The following ZNF676 variants were observed in gnomAD, a reference collection of about 807,000 sequenced individuals.
ZNF676 encodes the protein zinc finger protein 676.
ZNF676 carries 4 observed loss-of-function variants against 6.0 expected under a neutral mutation model. That is an observed-to-expected ratio of 0.67 (90% CI 0.33 to 1.53). The LOEUF (loss-of-function observed/expected upper bound fraction) is 1.53, where lower values mean the gene tolerates loss of function less well. ZNF676 is among the 40% of genes most tolerant of loss of function. The pLI is 0.06. For missense variants in ZNF676, 644 were observed against 679.7 expected (o/e 0.95, Z 0.58); for synonymous variants, 198 against 223.1 (o/e 0.89, Z 1.00).
chr19:22,203,471 A>C (rs1372842810), intron 1 of ZNF676: 2 of 152,224 alleles, frequency 1.3e-5, no homozygotes, highest in Non-Finnish European at 2.9e-5. Flanking sequence ...ATTAGATATA[A>C]GATTGATCAA....
chr19:22,237,012 G>C, the ZNF676 span, among the ~76,000 whole-genome samples: 2 of 152,204 alleles, frequency 1.3e-5, no homozygotes, highest in Non-Finnish European at 2.9e-5. Flanking sequence ...CTGACATGCA[G>C]AGAAAAGTAA....
upstream of ZNF676, among the ~76,000 whole-genome samples, chr19:22,200,100 G>C (rs1047063752): frequency 3.3e-5 from 5 of 151,940 alleles, no homozygotes; most frequent in African/African-American, 1.2e-4. Flanking sequence ...GTTCTCTATG[G>C]CACTGGGGGG....
chr19:22,180,743 GT>G lies in ZNF676; in HGVS notation c.973del (p.Thr325LeufsTer173). The stretch of plus-strand genomic sequence containing the variant: ...TCCAGCATGAATTCTCTTGTGTTCA[GT>G]AAGGCTTGAGGACCAGCTGAAGGCT... ...GKAFSWSSSLTEHKRIHAGEK... is the reference protein window; with the variant it reads ...GKAFSWSSSLXEHKRIHAGEK... On this transcript the variant is annotated frameshift_variant, in exon 3 of 3. Coordinates refer to ENST00000397121, the MANE Select transcript of ZNF676 (RefSeq NM_001001411.3). LOFTEE classifies it low-confidence loss of function (END_TRUNC). 1 of 1,612,638 alleles carries G rather than the reference GT, an allele frequency of 6.2e-7. No homozygotes were observed.
the ZNF676 span, among the ~76,000 whole-genome samples, chr19:22,246,506 A>G: frequency 6.6e-6 from 1 of 152,274 alleles, no homozygotes; most frequent in Middle Eastern, 3.4e-3. Context: ...CCTTGCAGGT[A>G]GAGCTGGGGA....
At chr19:22,198,534 TTC>T (rs1398619193), upstream of ZNF676, among the ~76,000 whole-genome samples, 1 of 152,124 alleles carries the variant, frequency 6.6e-6, no homozygotes, top group African/African-American at 2.4e-5. Context: ...GGCCATTTTT[TTC>T]TCTTTCTCCT....
the ZNF676 span, among the ~76,000 whole-genome samples, chr19:22,251,349 A>G: frequency 6.6e-6 from 1 of 152,220 alleles, no homozygotes; most frequent in South Asian, 2.1e-4. Flanking sequence ...TTCAAGAACT[A>G]TGGTACACCT....
In ZNF676 at chr19:22,179,864, C is replaced by G. The variant is rs1329845844; in HGVS notation, c.*86G>C. 7.6e-7 allele frequency: 1 copy of G among 1,322,518 alleles called. No homozygotes were observed. The highest frequency in any genetic ancestry group is 1.1e-6 in the Non-Finnish European group (1 of 944,484). The allele number at this position is 1,322,518 out of a possible 1,614,324, so 81.9% of individuals were successfully genotyped here. On this transcript the variant is annotated 3_prime_UTR_variant, in exon 3 of 3. Coordinates refer to ENST00000397121, the MANE Select transcript of ZNF676 (RefSeq NM_001001411.3). ...TTAAAAGCTTTGCCACATTCTTCAC[C>G]TTTGTAGATTTTCTCTCCAGTATGA...
intron 1 of ZNF676, among the ~76,000 whole-genome samples, chr19:22,196,116 G>A (rs2023964049): frequency 6.6e-6 from 1 of 152,182 alleles, no homozygotes; most frequent in South Asian, 2.1e-4. Flanking sequence ...CAGGAAGGGG[G>A]AAATGTTGGG....
the ZNF676 span, among the ~76,000 whole-genome samples, chr19:22,227,646 C>A: frequency 6.6e-6 from 1 of 151,966 alleles, no homozygotes; most frequent in African/African-American, 2.4e-5. Context: ...AGAGAGGAAT[C>A]AAATAGATGC....
chr19:22,207,953 G>T, intron 1 of ZNF676, among the ~76,000 whole-genome samples: 1 of 137,130 alleles, frequency 7.3e-6, no homozygotes, highest in Non-Finnish European at 1.6e-5. Flanking sequence ...CAAGGTAAAT[G>T]AAAGACTTAA....
the ZNF676 span, chr19:22,243,879 C>T: frequency 1.3e-5 from 2 of 152,208 alleles, no homozygotes; most frequent in African/African-American, 4.8e-5. Flanking sequence ...AGCTCACTAG[C>T]TGGCTTTTGC....
upstream of ZNF676, among the ~76,000 whole-genome samples, chr19:22,201,836 T>C (rs1002007991): frequency 2.0e-5 from 3 of 151,866 alleles, no homozygotes; most frequent in Non-Finnish European, 4.4e-5. Context: ...TAATAATTGA[T>C]TGCATATACA....
chr19:22,193,137 C>T, intron 1 of ZNF676, 26 bp from the exon 2 acceptor site: 1 of 1,568,722 alleles, frequency 6.4e-7, no homozygotes, highest in South Asian at 1.2e-5. Flanking sequence ...TGAACAACAT[C>T]CATCTTGCTC....
In ZNF676 at chr19:22,179,965, A is replaced by C; in HGVS notation, c.1752T>G (p.Thr584=). The change falls in exon 3 of 3, where the codon ACT becomes ACG. Residue 584 remains threonine, a synonymous_variant. Coordinates refer to ENST00000397121, the MANE Select transcript of ZNF676 (RefSeq NM_001001411.3). ...STVSYHKKIH[T]GENP ...CTTCACATTTTTAGGGATTCTCTCC[A>C]GTATGAATTTTCTTATGATAACTAA... is the stretch of plus-strand genomic sequence containing the variant. 6.2e-7 allele frequency: 1 copy of C among 1,613,288 alleles called. No individual in the cohort carries two copies. Among genetic ancestry groups the C allele is most frequent in the Non-Finnish European group, 8.5e-7 (1 of 1,179,662 alleles).
chr19:22,233,660 T>G, the ZNF676 span, among the ~76,000 whole-genome samples: 1,439 of 152,362 alleles, frequency 9.4e-3, 16 homozygotes, highest in African/African-American at 0.032. Context: ...TGCTGTAACA[T>G]TTACCTCTGG....
intron 1 of ZNF676, among the ~76,000 whole-genome samples, chr19:22,193,341 A>G (rs1025166187): frequency 2.0e-5 from 3 of 152,182 alleles, no homozygotes; most frequent in Non-Finnish European, 4.4e-5. Flanking sequence ...TCAGAAGGTT[A>G]TTGCGCATAA....
chr19:22,194,482 A>G (rs531284197), intron 1 of ZNF676, among the ~76,000 whole-genome samples: 1 of 152,272 alleles, frequency 6.6e-6, no homozygotes, highest in South Asian at 2.1e-4. Context: ...ACAGATCTAA[A>G]AGGAGCCAAG....
chr19:22,190,647 A>ATATATATACATACATACATATGTATG (rs2023892496), intron 2 of ZNF676, among the ~76,000 whole-genome samples: 2 of 107,154 alleles, frequency 1.9e-5, no homozygotes, highest in Non-Finnish European at 3.6e-5. Flanking sequence ...ATATATATAT[A>ATATATATACATACATACATATGTATG]TATATATATA....
intron 1 of ZNF676, 103 bp downstream of exon 1, chr19:22,196,497 T>C: frequency 6.3e-7 from 1 of 1,596,628 alleles, no homozygotes. Context: ...TTTGTCTTTG[T>C]CTGTATTCTC....
Sources: gnomAD v4.1 joint callset for allele counts (sites outside exome capture counted in the v4.1 genomes callset) on GRCh38, gnomAD v4.1.1 for gene constraint, MANE v1.5 for transcripts, NCBI Gene and HGNC (gene_info 2026-07-23, HGNC 2026-07-21) for gene names.